Variants in SMIM10L3 observed in about 807,000 individuals in gnomAD.
SMIM10L3 encodes small integral membrane protein 10 like 3.
chr7:6,341,088 G>A, the SMIM10L3 span, among the ~76,000 whole-genome samples: 1 of 150,100 alleles, frequency 6.7e-6, no homozygotes, highest in Middle Eastern at 3.2e-3. Context: ...AGCTTGCAGT[G>A]AGCTGAGATC....
At chr7:6,332,565 C>G in the SMIM10L3 span, among the ~76,000 whole-genome samples, 2 of 152,102 alleles carry the variant, frequency 1.3e-5, no homozygotes, top group Non-Finnish European at 2.9e-5. Context: ...TGCTTATAAA[C>G]TCAGCAGCTA....
the SMIM10L3 span, among the ~76,000 whole-genome samples, chr7:6,344,709 GCA>G: frequency 4.0e-5 from 6 of 151,748 alleles, no homozygotes; most frequent in African/African-American, 1.5e-4. Context: ...TTGAGTCACG[GCA>G]CCTGGCCCAC....
chr7:6,330,725 GTCC>G, the SMIM10L3 span: 1 of 1,614,024 alleles, frequency 6.2e-7, no homozygotes, highest in Non-Finnish European at 8.5e-7. Context: ...TTGGGGCACT[GTCC>G]TCTGTGGCCG....
At chr7:6,330,733 T>G in the SMIM10L3 span, 1 of 1,614,124 alleles carries the variant, frequency 6.2e-7, no homozygotes, top group South Asian at 1.1e-5. Flanking sequence ...CTGTCCTCTG[T>G]GGCCGTCAGT....
chr7:6,339,374 G>A, the SMIM10L3 span, among the ~76,000 whole-genome samples: 15 of 152,276 alleles, frequency 9.9e-5, no homozygotes, highest in South Asian at 3.1e-3. Flanking sequence ...AGGTCGAGGT[G>A]GGAGGATCGT....
At chr7:6,330,335 A>G in the SMIM10L3 span, 1 of 1,538,928 alleles carries the variant, frequency 6.5e-7, no homozygotes. Context: ...TTCTAAGACA[A>G]CTCTTAAAAT....
chr7:6,347,899 T>TTATTATTATTA, the SMIM10L3 span, among the ~76,000 whole-genome samples: 1 of 145,370 alleles, frequency 6.9e-6, no homozygotes, highest in Non-Finnish European at 1.5e-5. Context: ...ATTATTATTA[T>TTATTATTATTA]TATTATTATT....
At chr7:6,345,200 T>C in the SMIM10L3 span, among the ~76,000 whole-genome samples, 2 of 151,842 alleles carry the variant, frequency 1.3e-5, no homozygotes, top group African/African-American at 4.8e-5. Flanking sequence ...TCACTGCATC[T>C]TCGGCCTCCT....
the SMIM10L3 span, among the ~76,000 whole-genome samples, chr7:6,342,372 C>T: frequency 6.6e-6 from 1 of 151,724 alleles, no homozygotes; most frequent in African/African-American, 2.4e-5. Flanking sequence ...TGGCAAAACC[C>T]CGACTCTACT....
chr7:6,339,614 G>A, the SMIM10L3 span, among the ~76,000 whole-genome samples: 1 of 151,834 alleles, frequency 6.6e-6, no homozygotes, highest in African/African-American at 2.4e-5. Flanking sequence ...CTCCGGAGTA[G>A]CTGGGACTAC....
At chr7:6,337,294 G>C in the SMIM10L3 span, among the ~76,000 whole-genome samples, 13 of 151,882 alleles carry the variant, frequency 8.6e-5, no homozygotes, top group Admixed American at 2.6e-4. Context: ...CATTAATTTT[G>C]TATTTTGAGT....
At chr7:6,330,132 G>A in the SMIM10L3 span, 29 of 513,302 alleles carry the variant, frequency 5.6e-5, no homozygotes, top group Admixed American at 1.1e-4. Context: ...GGCTATGATC[G>A]TCTCCTGAAA....
the SMIM10L3 span, chr7:6,330,404 C>G: frequency 1.9e-6 from 3 of 1,613,456 alleles, no homozygotes; most frequent in Non-Finnish European, 2.5e-6. Flanking sequence ...TTTGCTAATT[C>G]AAAAGGTTGC....
At chr7:6,330,573 T>G in the SMIM10L3 span, 2 of 1,614,210 alleles carry the variant, frequency 1.2e-6, no homozygotes, top group Non-Finnish European at 1.7e-6. Context: ...CGTGCAGCGT[T>G]GCAGACAGGA....
At chr7:6,343,409 TATATATATATA>T in the SMIM10L3 span, among the ~76,000 whole-genome samples, 1 of 45,370 alleles carries the variant, frequency 2.2e-5, no homozygotes, top group African/African-American at 7.8e-5. Context: ...TATATATATA[TATATATATATA>T]TATATATATA....
the SMIM10L3 span, among the ~76,000 whole-genome samples, chr7:6,341,144 A>G: frequency 2.7e-5 from 2 of 74,916 alleles, no homozygotes; most frequent in Admixed American, 2.3e-4. Context: ...ACTCTGTCCC[A>G]AAAAAAAAAA....
chr7:6,337,215 G>A, the SMIM10L3 span, among the ~76,000 whole-genome samples: 1 of 152,108 alleles, frequency 6.6e-6, no homozygotes, highest in African/African-American at 2.4e-5. Flanking sequence ...GAGACTACAG[G>A]TGTATGCCAC....
chr7:6,330,641 G>C, the SMIM10L3 span: 6 of 1,614,126 alleles, frequency 3.7e-6, no homozygotes, highest in Middle Eastern at 1.6e-4. Context: ...AAAGCACTTG[G>C]TGGGTCATCC....
At chr7:6,338,265 A>G in the SMIM10L3 span, among the ~76,000 whole-genome samples, 1 of 152,192 alleles carries the variant, frequency 6.6e-6, no homozygotes, top group Non-Finnish European at 1.5e-5. Flanking sequence ...GTTTTTTCAT[A>G]GTTTTTTCTC....
Sources: gnomAD v4.1 joint callset for allele counts (sites outside exome capture counted in the v4.1 genomes callset) on GRCh38, gnomAD v4.1.1 for gene constraint, MANE v1.5 for transcripts, NCBI Gene and HGNC (gene_info 2026-07-23, HGNC 2026-07-21) for gene names.